Variants in MASP1 observed in about 807,000 individuals in gnomAD.
MASP1 encodes the protein MBL associated serine protease 1.
Under a neutral mutation model 77.1 loss-of-function variants are expected in MASP1, and 59 were observed. The observed-to-expected ratio is 0.77, with a 90% CI of 0.62 to 0.95. The LOEUF (loss-of-function observed/expected upper bound fraction) is 0.95, where lower values mean the gene tolerates loss of function less well. MASP1 is among the 40% of genes least tolerant of loss of function. MASP1 has a pLI of 0.00. For synonymous variants in MASP1, 362 were observed against 354.5 expected (o/e 1.02, Z -0.24); for missense variants, 885 against 912.9 (o/e 0.97, Z 0.39).
chr3:187,219,747 C>A, exon 16 of MASP1: 1 of 397,982 alleles, frequency 2.5e-6, no homozygotes, highest in South Asian at 2.3e-5. Flanking sequence ...ATCTTTTCCT[C>A]ATCAGACTTT....
At position 187,235,337 on chromosome 3, in the gene MASP1, G is replaced by T; in HGVS notation, c.*347C>A. The T allele has an allele frequency of 7.3e-7, 1 of 1,372,654 alleles. No homozygotes were observed. Among genetic ancestry groups the T allele is most frequent in the Non-Finnish European group, 9.6e-7 (1 of 1,044,580 alleles). 85.0% of individuals were successfully genotyped at this position (1,372,654 alleles called of 1,614,324 possible). A position where few individuals can be genotyped will look rare whatever the true frequency, so the allele number is the denominator to read the frequency against. On this transcript the variant is annotated 3_prime_UTR_variant, in exon 11 of 11. Coordinates refer to ENST00000296280, the MANE Select transcript of MASP1 (RefSeq NM_139125.4). ...AGTAGGACCGATGGGTTTGATAAGTGGTCAGGAGTGAATAAAGGCCACTGG... is the reference window on the plus strand; with the variant it reads ...AGTAGGACCGATGGGTTTGATAAGTTGTCAGGAGTGAATAAAGGCCACTGG...
exon 16 of MASP1, chr3:187,220,161 A>C (rs1711954571): frequency 6.2e-7 from 1 of 1,614,028 alleles, no homozygotes; most frequent in African/African-American, 1.3e-5. Flanking sequence ...TCCCACAGTC[A>C]TCACCCCAGG....
intron 2 of MASP1, among the ~76,000 whole-genome samples, chr3:187,284,358 C>T (rs1717675989): frequency 2.0e-5 from 3 of 152,082 alleles, no homozygotes; most frequent in East Asian, 1.9e-4. Flanking sequence ...CTGGTGGGGC[C>T]GGGGCTGCTA....
At chr3:187,279,129 T>C (rs1275056253) in intron 2 of MASP1, among the ~76,000 whole-genome samples, 1 of 152,256 alleles carries the variant, frequency 6.6e-6, no homozygotes, top group East Asian at 1.9e-4. Context: ...AGAGGGATAT[T>C]CTTCACTCTG....
intron 10 of MASP1, 134 bp downstream of exon 10, chr3:187,241,347 T>C (rs1239105625): frequency 1.2e-5 from 9 of 753,144 alleles, no homozygotes; most frequent in South Asian, 2.9e-5. Flanking sequence ...TTTAACCTTT[T>C]GAAGACATCT....
chr3:187,236,616 T>A, intron 10 of MASP1, 49 bp from the exon 11 acceptor site: 1 of 1,612,840 alleles, frequency 6.2e-7, no homozygotes, highest in Non-Finnish European at 8.5e-7. Flanking sequence ...ACTGGTCAGG[T>A]CAGCCATGTG....
chr3:187,221,066 G>C, exon 15 of MASP1: 1 of 1,614,080 alleles, frequency 6.2e-7, no homozygotes, highest in Non-Finnish European at 8.5e-7. Flanking sequence ...TCATGTCCCT[G>C]GTCACTTTCT....
At chr3:187,220,492 C>CTTTTTTTTT (rs747532550) in intron 15 of MASP1, among the ~76,000 whole-genome samples, 23 of 134,614 alleles carry the variant, frequency 1.7e-4, no homozygotes, top group Non-Finnish European at 2.6e-4. Context: ...TTTCTTTTTT[C>CTTTTTTTTT]TTTCTTTTTT....
rs200393551 is a variant in MASP1 at position 187,235,879 on chromosome 3, G to A, written c.1992C>T (p.Ser664=). 33 of 1,614,060 alleles carry A rather than the reference G, an allele frequency of 2.0e-5. No homozygotes were observed. In the Admixed American group the frequency reaches 4.0e-4, roughly 20 times the overall value. Residue 664 remains serine (S), a synonymous_variant, in exon 11 of 11, where the codon AGC becomes AGT. Coordinates refer to ENST00000296280, the MANE Select transcript of MASP1 (RefSeq NM_139125.4). ...EGGKDTCLGD[S]GGAFVIFDDL... is the part of the protein sequence containing the mutation. Reference sequence around the variant, plus strand: ...CATCAAAGATGACAAAGGCCCCACCGCTATCTCCAAGGCACGTGTCTTTGC... The same window carrying A: ...CATCAAAGATGACAAAGGCCCCACCACTATCTCCAAGGCACGTGTCTTTGC...
downstream of MASP1, among the ~76,000 whole-genome samples, chr3:187,231,414 C>T (rs1055391274): frequency 2.6e-5 from 4 of 152,194 alleles, no homozygotes; most frequent in African/African-American, 9.7e-5. Context: ...TCTGAAAAGA[C>T]GAGTTGACAC....
intron 2 of MASP1, among the ~76,000 whole-genome samples, chr3:187,263,758 G>T (rs2108567369): frequency 6.6e-6 from 1 of 152,282 alleles, no homozygotes; most frequent in African/African-American, 2.4e-5. Context: ...GGAAGAGCCA[G>T]AGGCCCTGTG....
chr3:187,245,935 T>A (rs546950270), intron 8 of MASP1, among the ~76,000 whole-genome samples: 1 of 152,230 alleles, frequency 6.6e-6, no homozygotes, highest in African/African-American at 2.4e-5. Context: ...TAGAGAACGA[T>A]GTGCAATCAG....
chr3:187,273,080 G>A (rs1000255724), intron 2 of MASP1, among the ~76,000 whole-genome samples: 2 of 152,176 alleles, frequency 1.3e-5, no homozygotes, highest in Non-Finnish European at 2.9e-5. Flanking sequence ...GAGATGACAC[G>A]TTCTGGCTCC....
intron 11 of MASP1, among the ~76,000 whole-genome samples, chr3:187,227,654 G>A (rs1477754622): frequency 1.3e-5 from 2 of 152,174 alleles, no homozygotes; most frequent in Non-Finnish European, 2.9e-5. Flanking sequence ...TCCTGGCCAG[G>A]GCTCTACTTA....
downstream of MASP1, chr3:187,229,895 AC>A (rs1468209261): frequency 6.2e-7 from 1 of 1,614,132 alleles, no homozygotes; most frequent in East Asian, 2.2e-5. Context: ...GGGAGCCCAC[AC>A]ACTGCATCCA....
At chr3:187,278,818 CAT>C (rs1463097178) in intron 2 of MASP1, among the ~76,000 whole-genome samples, 1 of 152,190 alleles carries the variant, frequency 6.6e-6, no homozygotes, top group African/African-American at 2.4e-5. Context: ...CTACGCTCCA[CAT>C]AGTCATATCC....
intron 2 of MASP1, among the ~76,000 whole-genome samples, chr3:187,273,548 T>A (rs1027656737): frequency 2.0e-5 from 3 of 152,212 alleles, no homozygotes; most frequent in African/African-American, 7.2e-5. Context: ...AGCCCCGGGC[T>A]GACTCCTGCT....
intron 2 of MASP1, among the ~76,000 whole-genome samples, chr3:187,278,487 A>G (rs534151036): frequency 2.6e-5 from 4 of 152,302 alleles, no homozygotes; most frequent in Admixed American, 2.0e-4. Context: ...TCCTCTCTCC[A>G]TCACTGTCTC....
chr3:187,245,384 G>A (rs959446988), intron 8 of MASP1, among the ~76,000 whole-genome samples: 2 of 152,206 alleles, frequency 1.3e-5, no homozygotes, highest in Middle Eastern at 3.4e-3. Flanking sequence ...CTAGATGGAC[G>A]GGCCCCTGGG....
Sources: gnomAD v4.1 joint callset for allele counts (sites outside exome capture counted in the v4.1 genomes callset) on GRCh38, gnomAD v4.1.1 for gene constraint, MANE v1.5 for transcripts, NCBI Gene and HGNC (gene_info 2026-07-23, HGNC 2026-07-21) for gene names.